The following ST8SIA4 variants were observed in gnomAD, a reference collection of about 807,000 sequenced individuals.
ST8SIA4 encodes CMP-N-acetylneuraminate-poly-alpha-2,8-sialyltransferase.
ST8SIA4 carries 15 observed loss-of-function variants against 33.9 expected under a neutral mutation model. The observed-to-expected ratio is 0.44, with a 90% CI of 0.30 to 0.68. ST8SIA4 has a LOEUF of 0.68. ST8SIA4 is among the 30% of genes least tolerant of loss of function. ST8SIA4 has a pLI of 0.10. For missense variants in ST8SIA4, 321 were observed against 428.0 expected (o/e 0.75, Z 2.21); for synonymous variants, 171 against 151.2 (o/e 1.13, Z -0.96).
chr5:100,857,611 T>C (rs958364655), intron 3 of ST8SIA4, among the ~76,000 whole-genome samples: 1 of 152,050 alleles, frequency 6.6e-6, no homozygotes, highest in Non-Finnish European at 1.5e-5. Flanking sequence ...GGCTACATTA[T>C]GAAAGTTCCT....
At chr5:100,831,129 T>A (rs944964711) in intron 4 of ST8SIA4, among the ~76,000 whole-genome samples, 5 of 152,248 alleles carry the variant, frequency 3.3e-5, no homozygotes, top group African/African-American at 1.2e-4. Flanking sequence ...ATAATTATAT[T>A]TGTCTACCTA....
chr5:100,865,390 T>C (rs564094137), intron 3 of ST8SIA4, among the ~76,000 whole-genome samples: 1 of 152,328 alleles, frequency 6.6e-6, no homozygotes, highest in South Asian at 2.1e-4. Flanking sequence ...AATTTTTCCT[T>C]GTTGGCATTT....
At chr5:100,844,557 A>G (rs1241243965) in intron 4 of ST8SIA4, among the ~76,000 whole-genome samples, 1 of 151,904 alleles carries the variant, frequency 6.6e-6, no homozygotes, top group Admixed American at 6.6e-5. Context: ...CCAGGGCTCT[A>G]TTTTGTGATT....
chr5:100,874,372 A>AGT (rs1752261090), intron 3 of ST8SIA4, among the ~76,000 whole-genome samples: 1 of 152,168 alleles, frequency 6.6e-6, no homozygotes, highest in Non-Finnish European at 1.5e-5. Context: ...AGAAAACTAA[A>AGT]TATAGAAAAG....
Position 100,811,660 on chromosome 5 carries a change from A to C in ST8SIA4, c.*187T>G. ...CACTTACTAGGACCCTTAAAGTCAA[A>C]ATATTTAATTTTTAGAGCACTTTGC... On this transcript the variant is annotated 3_prime_UTR_variant, in exon 5 of 5. Transcript: ENST00000231461. 1 of 606,710 alleles carries C rather than the reference A, an allele frequency of 1.6e-6. No individual in the cohort carries two copies. Among genetic ancestry groups the C allele is most frequent in the Non-Finnish European group, 2.8e-6 (1 of 355,012 alleles). 37.6% of individuals were successfully genotyped at this position (606,710 alleles called of 1,614,324 possible).
At chr5:100,866,283 A>G (rs930514608) in intron 3 of ST8SIA4, among the ~76,000 whole-genome samples, 3 of 152,096 alleles carry the variant, frequency 2.0e-5, no homozygotes, top group Non-Finnish European at 4.4e-5. Flanking sequence ...TCCAGGGCCT[A>G]TCAGTCAAAG....
At chr5:100,890,777 TAACTG>T (rs1752643931) in intron 2 of ST8SIA4, 1 of 151,944 alleles carries the variant, frequency 6.6e-6, no homozygotes, top group Non-Finnish European at 1.5e-5. Flanking sequence ...ACATTAAAGA[TAACTG>T]AAGGAATCTG....
intron 4 of ST8SIA4, among the ~76,000 whole-genome samples, chr5:100,819,577 G>A (rs1320975871): frequency 6.6e-6 from 1 of 152,184 alleles, no homozygotes; most frequent in Non-Finnish European, 1.5e-5. Flanking sequence ...GATCTTGCCA[G>A]CCAGTACAAG....
intron 3 of ST8SIA4, among the ~76,000 whole-genome samples, chr5:100,863,582 C>A (rs1387643316): frequency 6.6e-6 from 1 of 151,916 alleles, no homozygotes; most frequent in Non-Finnish European, 1.5e-5. Context: ...AGATTTATAT[C>A]ATATAAGAAA....
chr5:100,892,411 C>T (rs755899200), intron 2 of ST8SIA4, among the ~76,000 whole-genome samples: 20 of 152,022 alleles, frequency 1.3e-4, no homozygotes, highest in Non-Finnish European at 2.6e-4. Flanking sequence ...TGCATAAACT[C>T]CATATATCGT....
intron 2 of ST8SIA4, among the ~76,000 whole-genome samples, chr5:100,887,571 C>T (rs141076692): frequency 4.0e-4 from 60 of 151,788 alleles, no homozygotes; most frequent in Middle Eastern, 3.4e-3. Flanking sequence ...GCTACATGAA[C>T]GTAAATATAT....
chr5:100,855,958 T>G, intron 4 of ST8SIA4, 145 bp downstream of exon 4: 3 of 833,274 alleles, frequency 3.6e-6, no homozygotes, highest in Non-Finnish European at 5.4e-6. Context: ...AAACTTCAAG[T>G]TTGTAAATAG....
chr5:100,872,001 G>C (rs929139406), intron 3 of ST8SIA4, among the ~76,000 whole-genome samples: 2 of 151,950 alleles, frequency 1.3e-5, no homozygotes, highest in African/African-American at 4.8e-5. Context: ...CTTTATATAT[G>C]ACTCCTCTTA....
At chr5:100,847,289 T>A (rs1751590388) in intron 4 of ST8SIA4, among the ~76,000 whole-genome samples, 1 of 152,062 alleles carries the variant, frequency 6.6e-6, no homozygotes, top group Non-Finnish European at 1.5e-5. Context: ...TTTCCTTATG[T>A]GACTTGAGTT....
intron 4 of ST8SIA4, among the ~76,000 whole-genome samples, chr5:100,841,404 T>A (rs1751467606): frequency 6.6e-6 from 1 of 151,754 alleles, no homozygotes; most frequent in South Asian, 2.1e-4. Context: ...TAAGGCCAAT[T>A]CACGCTGACT....
intron 4 of ST8SIA4, among the ~76,000 whole-genome samples, chr5:100,843,312 A>T (rs1187036891): frequency 6.6e-6 from 1 of 151,928 alleles, no homozygotes; most frequent in Admixed American, 6.6e-5. Context: ...TTTGATGTTG[A>T]CAATAAAAGT....
chr5:100,865,073 G>T (rs1370241637), intron 3 of ST8SIA4, among the ~76,000 whole-genome samples: 1 of 152,154 alleles, frequency 6.6e-6, no homozygotes, highest in African/African-American at 2.4e-5. Flanking sequence ...CCCTGTCAGG[G>T]ATACCTCAGC....
chr5:100,862,442 T>C (rs1339609920), intron 3 of ST8SIA4, among the ~76,000 whole-genome samples: 1 of 152,132 alleles, frequency 6.6e-6, no homozygotes, highest in Admixed American at 6.5e-5. Context: ...ACTGTCGCCC[T>C]GGCTGGAGTG....
chr5:100,824,831 T>C (rs555090673), intron 4 of ST8SIA4, among the ~76,000 whole-genome samples: 8 of 140,358 alleles, frequency 5.7e-5, no homozygotes, highest in African/African-American at 2.2e-4. Context: ...GAGGTTGAGG[T>C]GGGAGGGTCC....
Sources: gnomAD v4.1 joint callset for allele counts (sites outside exome capture counted in the v4.1 genomes callset) on GRCh38, gnomAD v4.1.1 for gene constraint, MANE v1.5 for transcripts, NCBI Gene and HGNC (gene_info 2026-07-23, HGNC 2026-07-21) for gene names.